DPP10: variants seen among roughly 807,000 people sequenced by gnomAD.
DPP10 encodes the protein dipeptidyl peptidase like 10, also known as inactive dipeptidyl peptidase 10.
A neutral mutation model predicts 120.9 loss-of-function variants in DPP10; 33 were observed. The ratio of observed to expected loss-of-function variants is 0.27; its 90% CI spans 0.21 to 0.37. The LOEUF (loss-of-function observed/expected upper bound fraction) is 0.37, where lower values mean the gene tolerates loss of function less well. Among genes scored for constraint, DPP10 ranks in the 10% least tolerant of loss-of-function variants. The pLI is 1.00. For missense variants in DPP10, 816 were observed against 942.8 expected (o/e 0.87, Z 1.76); for synonymous variants, 337 against 326.1 (o/e 1.03, Z -0.36).
chr2:114,780,114 T>C lies in DPP10; in HGVS notation c.60+337276T>C, dbSNP rs538380721. The stretch of plus-strand genomic sequence containing the variant: ...TTGCACCACTGCACTCCAGCCTGGG[T>C]GACAAAGCGAGACTGCGTCTCAAAA... On this transcript the variant is annotated intron_variant, in intron 1 of 25. Coordinates refer to ENST00000410059, the MANE Select transcript of DPP10 (RefSeq NM_020868.6). Among the ~76,000 whole-genome samples the C allele has an allele frequency of 9.3e-5, 14 of 149,968 alleles. No individual in the cohort carries two copies. In the East Asian group the frequency reaches 1.2e-3, roughly 13 times the overall value.
At chr2:115,680,952 A>T (rs2090609926) in intron 5 of DPP10, among the ~76,000 whole-genome samples, 1 of 151,952 alleles carries the variant, frequency 6.6e-6, no homozygotes, top group African/African-American at 2.4e-5. Flanking sequence ...ATGACAGGAT[A>T]TTCAAGCTCA....
At chr2:115,687,088 G>A (rs1353511262) in intron 5 of DPP10, among the ~76,000 whole-genome samples, 1 of 152,050 alleles carries the variant, frequency 6.6e-6, no homozygotes, top group Non-Finnish European at 1.5e-5. Flanking sequence ...AGGAAGGAGA[G>A]AGAAAGAGAT....
chr2:114,750,637 C>T (rs1679127485), intron 1 of DPP10, among the ~76,000 whole-genome samples: 1 of 152,134 alleles, frequency 6.6e-6, no homozygotes, highest in African/African-American at 2.4e-5. Flanking sequence ...CCAGCCACAT[C>T]AATACTTTTA....
At chr2:115,114,740 T>C (rs1315247014) in intron 1 of DPP10, among the ~76,000 whole-genome samples, 1 of 152,132 alleles carries the variant, frequency 6.6e-6, no homozygotes, top group African/African-American at 2.4e-5. Context: ...TTTCACATCA[T>C]TTTATGTCAC....
At chr2:114,484,960 G>T (rs1229706031) in intron 1 of DPP10, among the ~76,000 whole-genome samples, 4 of 149,586 alleles carry the variant, frequency 2.7e-5, no homozygotes, top group African/African-American at 9.8e-5. Flanking sequence ...TTTGAAGAAC[G>T]GGTTTCAAAG....
At chr2:115,454,082 A>G (rs754032793) in intron 3 of DPP10, among the ~76,000 whole-genome samples, 5 of 151,636 alleles carry the variant, frequency 3.3e-5, no homozygotes, top group Admixed American at 6.6e-5. Context: ...GCAATTTAAT[A>G]TCTTCTCTAA....
At chr2:115,615,559 T>C (rs1196363723) in intron 5 of DPP10, among the ~76,000 whole-genome samples, 1 of 152,108 alleles carries the variant, frequency 6.6e-6, no homozygotes, top group Non-Finnish European at 1.5e-5. Context: ...ACAAGCAGAA[T>C]CATTTTTATT....
rs747173621 is a variant in DPP10, at chr2:115,836,554, A to G, written c.2098A>G (p.Ser700Gly). 24 of 1,613,674 alleles carry G rather than the reference A, an allele frequency of 1.5e-5. No individual in the cohort carries two copies. The highest frequency in any genetic ancestry group is 1.9e-5 in the Non-Finnish European group (23 of 1,179,832). The change falls in exon 23 of 26, where the codon AGC becomes GGC. Residue 700 changes from serine (S) to glycine (G), a missense_variant. By Grantham distance (56) the Ser-to-Gly change is moderately conservative. This residue lies in a region of DPP10 where 592 missense variants were observed against 649.0 expected (regional missense o/e 0.91). Transcript: ENST00000410059. ...RYLGMPSKEESTYQAASVLHN... is the reference protein window; with the variant it reads ...RYLGMPSKEEGTYQAASVLHN... The stretch of plus-strand genomic sequence containing the variant: ...CCTTGGGATGCCATCTAAGGAAGAA[A>G]GCACTTACCAGGTAACTAATTTGAA...
At chr2:114,942,315 ATATATACACACACATATATATATACG>A (rs1332592893) in intron 1 of DPP10, among the ~76,000 whole-genome samples, 11 of 125,222 alleles carry the variant, frequency 8.8e-5, no homozygotes, top group East Asian at 2.7e-4. Context: ...ATATATATAT[ATATATACACACACATATATATATACG>A]TATATATACA....
intron 1 of DPP10, among the ~76,000 whole-genome samples, chr2:114,961,033 C>CTTTTTTTTTTTTTTTTTTTTT (rs772146022): frequency 1.9e-5 from 1 of 52,028 alleles, no homozygotes; most frequent in African/African-American, 7.5e-5. Context: ...CTCTATACGC[C>CTTTTTTTTTTTTTTTTTTTTT]TTTTTTTTTT....
At chr2:115,800,532 T>A (rs1244630490) in intron 19 of DPP10, among the ~76,000 whole-genome samples, 2 of 152,138 alleles carry the variant, frequency 1.3e-5, no homozygotes, top group African/African-American at 2.4e-5. Context: ...CTGAATGGTG[T>A]TGCCTAGGTT....
intron 1 of DPP10, among the ~76,000 whole-genome samples, chr2:114,954,989 C>T (rs1698092377): frequency 6.6e-6 from 1 of 152,100 alleles, no homozygotes; most frequent in Admixed American, 6.6e-5. Flanking sequence ...CAAAGAAAAG[C>T]CCCGAAACAA....
intron 1 of DPP10, among the ~76,000 whole-genome samples, chr2:114,557,955 T>A (rs1688456793): frequency 6.6e-6 from 1 of 152,136 alleles, no homozygotes; most frequent in Non-Finnish European, 1.5e-5. Context: ...TTCTTCTCCC[T>A]CTGTATGTCC....
chr2:115,502,415 G>T (rs2148800277), intron 4 of DPP10, among the ~76,000 whole-genome samples: 1 of 152,204 alleles, frequency 6.6e-6, no homozygotes, highest in Non-Finnish European at 1.5e-5. Context: ...CCTCAAAAAT[G>T]CTCTTTATAA....
intron 2 of DPP10, among the ~76,000 whole-genome samples, chr2:115,311,265 T>A (rs985305639): frequency 6.6e-6 from 1 of 152,168 alleles, no homozygotes; most frequent in Admixed American, 6.5e-5. Flanking sequence ...AGTTCCAACA[T>A]TGCAGTGTTA....
chr2:114,786,646 G>A (rs1432272510), intron 1 of DPP10, among the ~76,000 whole-genome samples: 1 of 152,172 alleles, frequency 6.6e-6, no homozygotes, highest in Non-Finnish European at 1.5e-5. Flanking sequence ...TGTCTCATTA[G>A]GAGCTCATCC....
intron 3 of DPP10, among the ~76,000 whole-genome samples, chr2:115,422,734 G>A (rs1397747676): frequency 1.3e-5 from 2 of 152,130 alleles, no homozygotes; most frequent in Non-Finnish European, 2.9e-5. Flanking sequence ...TTCAGATATT[G>A]TGGGTTAATT....
intron 1 of DPP10, among the ~76,000 whole-genome samples, chr2:114,602,473 TCATCATCCCA>T (rs1359316316): frequency 1.3e-5 from 2 of 152,028 alleles, no homozygotes; most frequent in Admixed American, 1.3e-4. Flanking sequence ...ATTATTATCA[TCATCATCCCA>T]GCTCATATTT....
chr2:114,645,098 G>A (rs986069181), intron 1 of DPP10, among the ~76,000 whole-genome samples: 2 of 149,944 alleles, frequency 1.3e-5, no homozygotes, highest in African/African-American at 2.5e-5. Flanking sequence ...GATGAGTGAC[G>A]GGAATAAGTG....
Sources: allele counts gnomAD v4.1 joint callset (sites outside exome capture counted in the v4.1 genomes callset), GRCh38; gene constraint gnomAD v4.1.1; regional missense constraint gnomAD v4.1.1; transcripts MANE v1.5; gene names NCBI Gene and HGNC (gene_info 2026-07-23, HGNC 2026-07-21).